Variants in AFAP1L2 observed in about 807,000 individuals in gnomAD.
AFAP1L2 encodes the protein actin filament associated protein 1 like 2, also known as actin filament-associated protein 1-like 2.
In AFAP1L2, 46 loss-of-function variants were observed where a neutral mutation model predicts 99.3. That is an observed-to-expected ratio of 0.46 (90% CI 0.37 to 0.59). AFAP1L2 has a LOEUF of 0.59. Among genes scored for constraint, AFAP1L2 ranks in the 20% least tolerant of loss-of-function variants. The pLI is 0.00. For synonymous variants in AFAP1L2, 397 were observed against 419.1 expected, an observed-to-expected ratio of 0.95 and a Z score of 0.64; for missense variants, 959 against 1,034.9, an observed-to-expected ratio of 0.93 and a Z score of 1.01.
intron 1 of AFAP1L2, among the ~76,000 whole-genome samples, chr10:114,355,280 A>C (rs996406293): frequency 2.5e-4 from 33 of 131,096 alleles, no homozygotes; most frequent in Admixed American, 1.8e-3. Context: ...TTTGAGACGG[A>C]GTCTCACTCT....
At chr10:114,387,412 C>A (rs189514573) in intron 1 of AFAP1L2, among the ~76,000 whole-genome samples, 1 of 152,162 alleles carries the variant, frequency 6.6e-6, no homozygotes, top group East Asian at 1.9e-4. Flanking sequence ...GCTTCCCCTG[C>A]CCCACATAGA....
chr10:114,337,991 C>T (rs999441718), intron 2 of AFAP1L2, among the ~76,000 whole-genome samples: 4 of 152,122 alleles, frequency 2.6e-5, no homozygotes, highest in Non-Finnish European at 5.9e-5. Context: ...GGCAGGCGGG[C>T]GGACGCTCCC....
At chr10:114,293,274 G>A (rs1390642641), downstream of AFAP1L2, among the ~76,000 whole-genome samples, 2 of 152,200 alleles carry the variant, frequency 1.3e-5, no homozygotes, top group East Asian at 3.9e-4. Flanking sequence ...AGCAGATGCT[G>A]ATCAGTGATG....
At chr10:114,382,846 C>T (rs889144364) in intron 1 of AFAP1L2, among the ~76,000 whole-genome samples, 1 of 152,112 alleles carries the variant, frequency 6.6e-6, no homozygotes, top group African/African-American at 2.4e-5. Flanking sequence ...CCGCTCGCCT[C>T]AGCCTCCCAA....
At chr10:114,342,762 T>C (rs1590342308) in intron 1 of AFAP1L2, among the ~76,000 whole-genome samples, 1 of 152,240 alleles carries the variant, frequency 6.6e-6, no homozygotes, top group African/African-American at 2.4e-5. Flanking sequence ...TCCAGAACTG[T>C]AGATTAACGA....
chr10:114,357,953 T>C (rs989719514), intron 1 of AFAP1L2, among the ~76,000 whole-genome samples: 1 of 152,222 alleles, frequency 6.6e-6, no homozygotes, highest in Non-Finnish European at 1.5e-5. Context: ...AAATTGTGTC[T>C]GTCTCAAATC....
At chr10:114,332,028 C>T (rs972787716) in intron 3 of AFAP1L2, 131 bp from the exon 4 acceptor site, 29 of 533,276 alleles carry the variant, frequency 5.4e-5, no homozygotes, top group Non-Finnish European at 7.5e-5. Context: ...CCCAGGCAGG[C>T]GGTCCCTGGA....
At chr10:114,329,640 G>C (rs1368802000) in intron 4 of AFAP1L2, among the ~76,000 whole-genome samples, 1 of 152,166 alleles carries the variant, frequency 6.6e-6, no homozygotes. Flanking sequence ...GAAAACCTCT[G>C]GTTAAAGCCA....
At chr10:114,400,409 C>T (rs1043908774) in intron 1 of AFAP1L2, among the ~76,000 whole-genome samples, 33 of 152,192 alleles carry the variant, frequency 2.2e-4, no homozygotes, top group African/African-American at 7.0e-4. Context: ...AGGGCTCCCA[C>T]GCAACTTCAA....
In AFAP1L2 at chr10:114,300,678, C is replaced by T. The variant is rs867185627; in HGVS notation, c.1555G>A (p.Glu519Lys). ...TCATCTGCAACAGGGGTGGCTTCCT[C>T]GGTAGGCTCCACCTGCAGGAGAGAG... ...SELTAAVEPT[E>K]EATPVADDPN... is the part of the protein sequence containing the mutation. The change falls in exon 14 of 19, where the codon GAG (glutamate) becomes AAG (lysine). Residue 519 changes from glutamate to lysine, a missense_variant. Coordinates refer to ENST00000304129, the MANE Select transcript of AFAP1L2 (RefSeq NM_001001936.3). The T allele has an allele frequency of 1.6e-5, 26 of 1,592,098 alleles. No individual in the cohort carries two copies. Among genetic ancestry groups the T allele is most frequent in the South Asian group, 2.3e-5 (2 of 86,398 alleles).
the AFAP1L2 span, among the ~76,000 whole-genome samples, chr10:114,284,136 A>C: frequency 8.5e-5 from 13 of 152,244 alleles, no homozygotes; most frequent in African/African-American, 3.1e-4. Flanking sequence ...ATCATAGATC[A>C]GACGCTTCAG....
chr10:114,344,705 G>C (rs2049260149), intron 1 of AFAP1L2, among the ~76,000 whole-genome samples: 1 of 152,142 alleles, frequency 6.6e-6, no homozygotes, highest in Non-Finnish European at 1.5e-5. Flanking sequence ...AATGCAATAA[G>C]GAAAGTAAGG....
Position 114,333,243 on chromosome 10 carries a change from C to T in AFAP1L2, c.198G>A (p.Gln66=), listed in dbSNP as rs1353449805. Residue 66 remains glutamine (Q), a synonymous_variant, in exon 3 of 19, where the codon CAG becomes CAA. Coordinates refer to ENST00000304129, the MANE Select transcript of AFAP1L2 (RefSeq NM_001001936.3). ...YMNKVTINKQ[Q]NAESQGKAPE... is the part of the protein sequence containing the mutation. ...TACCTTTGCCTTGAGACTCTGCATT[C>T]TGTTGCTTGTTGATGGTCACTTTGT... The T allele has an allele frequency of 6.2e-7, 1 of 1,613,930 alleles. No individual in the cohort carries two copies. Among genetic ancestry groups the T allele is most frequent in the South Asian group, 1.1e-5 (1 of 91,070 alleles).
chr10:114,302,157 C>CTCA, intron 12 of AFAP1L2, 182 bp downstream of exon 12: 1 of 923,244 alleles, frequency 1.1e-6, no homozygotes, highest in Non-Finnish European at 1.6e-6. Context: ...TTGCTCTTAG[C>CTCA]TCAGCTCCTG....
intron 11 of AFAP1L2, among the ~76,000 whole-genome samples, chr10:114,302,851 G>A (rs1177219719): frequency 1.3e-5 from 2 of 152,172 alleles, no homozygotes; most frequent in Non-Finnish European, 2.9e-5. Flanking sequence ...TTAAAAAATT[G>A]TATGTCTTTT....
At chr10:114,401,358 C>T (rs543379729) in intron 1 of AFAP1L2, among the ~76,000 whole-genome samples, 48 of 152,272 alleles carry the variant, frequency 3.2e-4, no homozygotes, top group African/African-American at 7.7e-4. Flanking sequence ...AACCAGAATG[C>T]GTGACCACAC....
At chr10:114,399,096 C>T (rs974093404) in intron 1 of AFAP1L2, among the ~76,000 whole-genome samples, 2 of 152,198 alleles carry the variant, frequency 1.3e-5, no homozygotes, top group African/African-American at 4.8e-5. Context: ...TCCCCACTCC[C>T]CAATCATGTC....
At chr10:114,333,126 G>T in intron 3 of AFAP1L2, 95 bp downstream of exon 3, 3 of 1,166,444 alleles carry the variant, frequency 2.6e-6, no homozygotes, top group Non-Finnish European at 3.8e-6. Context: ...CTGTGTGCCG[G>T]CTGGGAGGAA....
intron 10 of AFAP1L2, 96 bp downstream of exon 10, chr10:114,307,709 C>T: frequency 2.0e-6 from 2 of 1,017,694 alleles, no homozygotes; most frequent in Admixed American, 1.9e-5. Flanking sequence ...TTACGGAAGA[C>T]CTAAAACCCC....
Sources: allele counts gnomAD v4.1 joint callset (sites outside exome capture counted in the v4.1 genomes callset), GRCh38; gene constraint gnomAD v4.1.1; transcripts MANE v1.5; gene names NCBI Gene and HGNC (gene_info 2026-07-23, HGNC 2026-07-21).